The following WWOX variants were observed in gnomAD, a reference collection of about 807,000 sequenced individuals.
WWOX encodes the protein WW domain containing oxidoreductase.
Under a neutral mutation model 46.2 loss-of-function variants are expected in WWOX, and 69 were observed. The ratio of observed to expected loss-of-function variants is 1.49; its 90% CI spans 1.23 to 1.82. The LOEUF (loss-of-function observed/expected upper bound fraction) is 1.82, where lower values mean the gene tolerates loss of function less well. Ranked by LOEUF, WWOX falls within the 40% of genes most tolerant of loss-of-function variation. WWOX has a pLI of 0.00. For missense variants in WWOX, 919 were observed against 542.6 expected (o/e 1.69, Z -6.89); for synonymous variants, 359 against 202.6 (o/e 1.77, Z -6.56).
At chr16:78,628,460 G>T (rs1482638620) in intron 8 of WWOX, among the ~76,000 whole-genome samples, 1 of 152,112 alleles carries the variant, frequency 6.6e-6, no homozygotes, top group African/African-American at 2.4e-5. Flanking sequence ...CTCCCAAGGG[G>T]ACCTGATATA....
chr16:79,043,243 C>A (rs923707891), intron 8 of WWOX, among the ~76,000 whole-genome samples: 2 of 151,878 alleles, frequency 1.3e-5, no homozygotes, highest in Admixed American at 6.6e-5. Flanking sequence ...GTGAGGGTGC[C>A]AGGAAACTTT....
At chr16:78,868,505 G>C (rs975007676) in intron 8 of WWOX, among the ~76,000 whole-genome samples, 22 of 151,988 alleles carry the variant, frequency 1.4e-4, no homozygotes, top group African/African-American at 5.3e-4. Flanking sequence ...ATTTACAATG[G>C]TTAAATCATA....
At chr16:79,108,637 C>T (rs189342000) in intron 8 of WWOX, among the ~76,000 whole-genome samples, 1 of 152,170 alleles carries the variant, frequency 6.6e-6, no homozygotes, top group African/African-American at 2.4e-5. Context: ...CATGGTGGCT[C>T]AAGCCTGTAA....
At chr16:78,327,503 G>T (rs1305321108) in intron 5 of WWOX, among the ~76,000 whole-genome samples, 1 of 152,158 alleles carries the variant, frequency 6.6e-6, no homozygotes, top group Non-Finnish European at 1.5e-5. Flanking sequence ...GCTCTATCAT[G>T]CTTGTAGAAC....
chr16:78,359,878 C>T (rs914604034), intron 5 of WWOX, among the ~76,000 whole-genome samples: 2 of 152,286 alleles, frequency 1.3e-5, no homozygotes, highest in African/African-American at 4.8e-5. Context: ...ACAGCAAAAA[C>T]ATGAGGAATG....
intron 5 of WWOX, chr16:78,167,349 C>G (rs2035007120): frequency 6.6e-6 from 1 of 152,090 alleles, no homozygotes; most frequent in Non-Finnish European, 1.5e-5. Flanking sequence ...TTCAGTCTTT[C>G]TTTCTTATAT....
chr16:78,318,493 G>A (rs1036309197), intron 5 of WWOX, among the ~76,000 whole-genome samples: 3 of 151,976 alleles, frequency 2.0e-5, no homozygotes, highest in African/African-American at 7.3e-5. Flanking sequence ...CATATATTTG[G>A]TTCCTTAACT....
In WWOX at chr16:78,663,456, G is replaced by C. The variant is rs540155628; in HGVS notation, c.1056+230704G>C. On this transcript the variant is annotated intron_variant, in intron 8 of 8. Coordinates refer to ENST00000566780, the MANE Select transcript of WWOX (RefSeq NM_016373.4). ...GTCATTCCCACTTTCTGGCTATTAT[G>C]AATAATACTGCGATATGAACATCTG... Among the ~76,000 whole-genome samples the C allele has an allele frequency of 2.6e-4, 40 of 152,064 alleles. 1 individual carries two copies. The highest frequency in any genetic ancestry group is 5.9e-5 in the Non-Finnish European group (4 of 68,010).
At chr16:78,764,330 T>C (rs945618555) in intron 8 of WWOX, among the ~76,000 whole-genome samples, 2 of 151,622 alleles carry the variant, frequency 1.3e-5, no homozygotes, top group East Asian at 3.9e-4. Context: ...TTGCAGAACC[T>C]GGCAAGTCCT....
At chr16:78,893,963 TGTATTTGAGTACCAG>T (rs1310480544) in intron 8 of WWOX, among the ~76,000 whole-genome samples, 3 of 151,962 alleles carry the variant, frequency 2.0e-5, no homozygotes, top group African/African-American at 7.2e-5. Context: ...GTGTCTGTGA[TGTATTTGAGTACCAG>T]GTATCCCTGA....
chr16:79,026,203 C>A (rs902967806), intron 8 of WWOX, among the ~76,000 whole-genome samples: 5 of 151,728 alleles, frequency 3.3e-5, no homozygotes, highest in South Asian at 2.1e-4. Context: ...CCCTCATATG[C>A]CCTAGAGGCC....
chr16:78,963,800 T>A lies in WWOX; in HGVS notation c.1057-247808T>A, dbSNP rs146708950. Among the ~76,000 whole-genome samples the A allele has an allele frequency of 1.8e-3, 268 of 152,294 alleles. 2 individuals are homozygous for A. The highest frequency in any genetic ancestry group is 6.3e-3 in the African/African-American group (260 of 41,554). On this transcript the variant is annotated intron_variant, in intron 8 of 8. Transcript: ENST00000566780. ...GACTTGCTGATATGCTTTGGCTGTG[T>A]CCCCACCCAAATCTTAACTTGAATC...
chr16:78,447,124 A>C (rs923393822), intron 8 of WWOX, among the ~76,000 whole-genome samples: 45 of 152,108 alleles, frequency 3.0e-4, no homozygotes, highest in African/African-American at 9.9e-4. Context: ...TGTTTTCTGA[A>C]CCAGACAGGC....
At chr16:78,773,498 T>C (rs2050117128) in intron 8 of WWOX, among the ~76,000 whole-genome samples, 1 of 152,200 alleles carries the variant, frequency 6.6e-6, no homozygotes, top group Non-Finnish European at 1.5e-5. Flanking sequence ...TTGTCCCTTG[T>C]GTTAGCTGAA....
intron 8 of WWOX, among the ~76,000 whole-genome samples, chr16:78,686,604 A>G (rs551483844): frequency 1.3e-5 from 2 of 151,958 alleles, no homozygotes; most frequent in Admixed American, 6.6e-5. Flanking sequence ...GGGCCCAGCT[A>G]TTTGTGTTTT....
At chr16:78,863,496 T>G (rs527663266) in intron 8 of WWOX, among the ~76,000 whole-genome samples, 141 of 152,328 alleles carry the variant, frequency 9.3e-4, no homozygotes, top group Non-Finnish European at 1.7e-3. Context: ...AATGGACCAC[T>G]GGTCCCTGCT....
intron 5 of WWOX, among the ~76,000 whole-genome samples, chr16:78,373,467 G>T (rs1008614206): frequency 2.0e-5 from 3 of 152,196 alleles, no homozygotes; most frequent in African/African-American, 7.2e-5. Context: ...CTTCTGCTCA[G>T]TGACCATTAG....
At chr16:78,509,982 C>T (rs958203608) in intron 8 of WWOX, among the ~76,000 whole-genome samples, 29 of 151,798 alleles carry the variant, frequency 1.9e-4, no homozygotes, top group African/African-American at 7.0e-4. Context: ...TGCCTGTAGT[C>T]CCAGCTTCTG....
intron 8 of WWOX, among the ~76,000 whole-genome samples, chr16:78,925,979 G>A (rs934937268): frequency 2.0e-5 from 3 of 152,238 alleles, no homozygotes; most frequent in Non-Finnish European, 4.4e-5. Context: ...AGGGCAGGGA[G>A]AAGGGAAGGG....
Sources: gnomAD v4.1 joint callset for allele counts (sites outside exome capture counted in the v4.1 genomes callset) on GRCh38, gnomAD v4.1.1 for gene constraint, MANE v1.5 for transcripts, NCBI Gene and HGNC (gene_info 2026-07-23, HGNC 2026-07-21) for gene names.